The following PCDH9 variants were observed in gnomAD, a reference collection of about 807,000 sequenced individuals.
PCDH9 encodes protocadherin 9, also known as protocadherin-9.
In PCDH9, 24 loss-of-function variants were observed where a neutral mutation model predicts 70.6. That is an observed-to-expected ratio of 0.34 (90% confidence interval 0.25 to 0.48). PCDH9 has a LOEUF of 0.48. Ranked by LOEUF, PCDH9 falls within the 20% of genes least tolerant of loss-of-function variation. The pLI, the probability that PCDH9 is intolerant of heterozygous loss-of-function variation, is 0.99. For missense variants in PCDH9, 1,281 were observed against 1,503.6 expected (o/e 0.85, Z 2.45); for synonymous variants, 562 against 558.5 (o/e 1.01, Z -0.09).
At position 66,573,733 on chromosome 13, in the gene PCDH9, G is replaced by GTTTT. The variant is rs937314923; in HGVS notation, c.3340+57473_3340+57476dup. ...AGGGTATTTTGTTGAGAGCAGTTGG[G>GTTTT]TTTTTTTGTTTGTTTGTTTGTTTGT... On this transcript the variant is annotated intron_variant, in intron 4 of 4. Coordinates refer to ENST00000377865, the MANE Select transcript of PCDH9 (RefSeq NM_203487.3). Among the ~76,000 whole-genome samples, 36 of 138,926 alleles carry GTTTT rather than the reference G, an allele frequency of 2.6e-4. No individual in the cohort carries two copies. In the East Asian group the frequency reaches 5.0e-3, roughly 19 times the overall value. The allele number at this position is 138,926 out of a possible 152,430, so 91.1% of individuals were successfully genotyped here.
At chr13:66,441,902 A>G (rs1275552765) in intron 4 of PCDH9, among the ~76,000 whole-genome samples, 1 of 152,146 alleles carries the variant, frequency 6.6e-6, no homozygotes, top group East Asian at 1.9e-4. Flanking sequence ...TTTTAAAATC[A>G]TTTCTTTATA....
At chr13:66,851,370 G>A (rs989018396) in intron 3 of PCDH9, among the ~76,000 whole-genome samples, 3 of 151,938 alleles carry the variant, frequency 2.0e-5, no homozygotes, top group African/African-American at 7.3e-5. Context: ...TTTATACAAT[G>A]ATGAATTGCA....
At chr13:66,743,611 T>C (rs1253855875) in intron 3 of PCDH9, among the ~76,000 whole-genome samples, 1 of 152,130 alleles carries the variant, frequency 6.6e-6, no homozygotes, top group Non-Finnish European at 1.5e-5. Flanking sequence ...TAACAATGTA[T>C]TGTATGCTCA....
rs536752994 is a variant in PCDH9, at chr13:66,700,948, A to G, written c.3139-69537T>C. Among the ~76,000 whole-genome samples, 563 of 133,198 alleles carry G rather than the reference A, an allele frequency of 4.2e-3. 23 individuals carry two copies. Among genetic ancestry groups the G allele is most frequent in the Middle Eastern group, 0.019 (5 of 262 alleles). The allele number at this position is 133,198 out of a possible 152,430, so 87.4% of individuals were successfully genotyped here. A position where few individuals can be genotyped will look rare whatever the true frequency, so the allele number is the denominator to read the frequency against. On this transcript the variant is annotated intron_variant, in intron 3 of 4. Coordinates refer to ENST00000377865, the MANE Select transcript of PCDH9 (RefSeq NM_203487.3). ...AATATATATATATATATATATATAT[A>G]TATATATATATATATATATATACTT...
chr13:67,179,771 G>A (rs2088566702), intron 2 of PCDH9, among the ~76,000 whole-genome samples: 1 of 151,930 alleles, frequency 6.6e-6, no homozygotes, highest in Admixed American at 6.6e-5. Flanking sequence ...AATCACCTAG[G>A]CTACACCATT....
At chr13:67,013,828 G>GA (rs958285306) in intron 2 of PCDH9, among the ~76,000 whole-genome samples, 1 of 151,740 alleles carries the variant, frequency 6.6e-6, no homozygotes, top group African/African-American at 2.4e-5. Context: ...CCTTAACTAT[G>GA]AAAAAAACAG....
chr13:66,449,562 C>G (rs190629958), intron 4 of PCDH9, among the ~76,000 whole-genome samples: 3 of 152,088 alleles, frequency 2.0e-5, no homozygotes, highest in African/African-American at 7.2e-5. Flanking sequence ...AATGCTGTTA[C>G]GCCCACCTCA....
chr13:66,312,554 T>G (rs1955580566), intron 4 of PCDH9, among the ~76,000 whole-genome samples: 1 of 150,142 alleles, frequency 6.7e-6, no homozygotes, highest in Non-Finnish European at 1.5e-5. Flanking sequence ...GAGGCTGCAG[T>G]GAGCAGTGAT....
At chr13:66,610,237 G>A (rs1440663294) in intron 4 of PCDH9, among the ~76,000 whole-genome samples, 3 of 151,888 alleles carry the variant, frequency 2.0e-5, no homozygotes, top group African/African-American at 7.3e-5. Context: ...ACAGGGGTAA[G>A]GGGGAAAAAA....
intron 3 of PCDH9, among the ~76,000 whole-genome samples, chr13:66,822,514 T>G (rs2080731328): frequency 6.7e-6 from 1 of 150,170 alleles, no homozygotes; most frequent in Admixed American, 6.7e-5. Context: ...TTTTTTTTTT[T>G]TGAGACGGAG....
chr13:66,489,190 G>T (rs1236251977), intron 4 of PCDH9, among the ~76,000 whole-genome samples: 1 of 151,914 alleles, frequency 6.6e-6, no homozygotes, highest in African/African-American at 2.4e-5. Context: ...TTCTATTTTG[G>T]CATGATTGAT....
intron 2 of PCDH9, among the ~76,000 whole-genome samples, chr13:67,102,645 A>G (rs1208241000): frequency 6.6e-6 from 1 of 152,220 alleles, no homozygotes; most frequent in East Asian, 1.9e-4. Context: ...AAGAGGATAC[A>G]TGACAGAGAT....
chr13:67,180,977 A>C (rs2088600014), intron 2 of PCDH9, among the ~76,000 whole-genome samples: 1 of 152,190 alleles, frequency 6.6e-6, no homozygotes, highest in Non-Finnish European at 1.5e-5. Flanking sequence ...AAAGCTCTTC[A>C]TTTTAAATCT....
intron 2 of PCDH9, among the ~76,000 whole-genome samples, chr13:67,169,701 T>G (rs940226281): frequency 1.1e-4 from 17 of 152,338 alleles, no homozygotes; most frequent in Admixed American, 5.9e-4. Flanking sequence ...ACAAAGTGTA[T>G]CTGTATTTTC....
At chr13:67,148,633 G>A (rs962990857) in intron 2 of PCDH9, among the ~76,000 whole-genome samples, 90 of 152,064 alleles carry the variant, frequency 5.9e-4, no homozygotes, top group Middle Eastern at 3.4e-3. Context: ...TTAAAACTTA[G>A]CATTTTATAT....
rs1173480423 is a variant in PCDH9, at chr13:66,413,675, G to A, written c.3341-108647C>T. On this transcript the variant is annotated intron_variant, in intron 4 of 4. Transcript: ENST00000377865. ...CACTCCACCCTGGGCAACAGAGCGA[G>A]ACTCCATCTTAAAAAAATAAATAAA... 2.0e-5 allele frequency among the ~76,000 whole-genome samples: 3 copies of A among 151,432 alleles called. No homozygotes were observed. The East Asian group carries it at 5.8e-4, about 29-fold the overall frequency.
intron 4 of PCDH9, among the ~76,000 whole-genome samples, chr13:66,596,940 T>C (rs1042362346): frequency 2.0e-5 from 3 of 151,410 alleles, no homozygotes; most frequent in Non-Finnish European, 3.0e-5. Context: ...TTACCACCCA[T>C]CTGGAAAGTA....
chr13:66,332,391 T>C (rs1380014016), intron 4 of PCDH9, among the ~76,000 whole-genome samples: 3 of 150,958 alleles, frequency 2.0e-5, no homozygotes, highest in Non-Finnish European at 4.4e-5. Flanking sequence ...TACCAAGCCC[T>C]TTCATTAATA....
At chr13:66,734,935 C>G (rs1188895056) in intron 3 of PCDH9, among the ~76,000 whole-genome samples, 1 of 152,188 alleles carries the variant, frequency 6.6e-6, no homozygotes, top group Non-Finnish European at 1.5e-5. Flanking sequence ...TAACATAGCT[C>G]TCAAACCTAT....
Sources: allele counts gnomAD v4.1 joint callset (sites outside exome capture counted in the v4.1 genomes callset), GRCh38; gene constraint gnomAD v4.1.1; transcripts MANE v1.5; gene names NCBI Gene and HGNC (gene_info 2026-07-23, HGNC 2026-07-21).